The following VWF variants were observed in gnomAD, a reference collection of about 807,000 sequenced individuals.
The protein encoded by VWF is von Willebrand factor.
A neutral mutation model predicts 308.6 loss-of-function variants in VWF; 176 were observed. The observed-to-expected ratio is 0.57, with a 90% CI of 0.50 to 0.65. The LOEUF (loss-of-function observed/expected upper bound fraction) is 0.65. Ranked by LOEUF, VWF falls within the 30% of genes least tolerant of loss-of-function variation. The probability of loss-of-function intolerance (pLI) is 0.00; values close to 1 mark genes in which losing one functional copy is unlikely to be tolerated. For synonymous variants in VWF, 1,385 were observed against 1,443.4 expected (o/e 0.96, Z 0.92); for missense variants, 3,146 against 3,648.2 (o/e 0.86, Z 3.55).
At chr12:5,964,246 A>ATACATACATACATACATGCATG in intron 47 of VWF, among the ~76,000 whole-genome samples, 2 of 133,170 alleles carry the variant, frequency 1.5e-5, no homozygotes, top group Non-Finnish European at 3.1e-5. Context: ...ATACATACAT[A>ATACATACATACATACATGCATG]CATGCATACA....
intron 22 of VWF, among the ~76,000 whole-genome samples, chr12:6,028,264 T>C (rs1049610125): frequency 6.6e-6 from 1 of 152,194 alleles, no homozygotes; most frequent in African/African-American, 2.4e-5. Context: ...TCTCAAAACA[T>C]GCTGGCCCAT....
chr12:6,118,328 C>CCCCA (rs1254828080), intron 3 of VWF, among the ~76,000 whole-genome samples: 1 of 151,510 alleles, frequency 6.6e-6, no homozygotes, highest in Non-Finnish European at 1.5e-5. Flanking sequence ...ATCCACCCGC[C>CCCCA]CCCACCCCGG....
rs1943423194 is a variant in VWF at position 5,967,997 on chromosome 12, G to A, written c.7770+130C>T. 5 of 1,317,054 alleles carry A rather than the reference G, an allele frequency of 3.8e-6. No homozygotes were observed. In the East Asian group the frequency reaches 7.0e-5, roughly 18 times the overall value. The allele number at this position is 1,317,054 out of a possible 1,614,324, so 81.6% of individuals were successfully genotyped here. ...TGATGCCAGGCACGTCCCACAGGCA[G>A]TGGAAAGCTGGGGTTGGGTCTCTCT... On this transcript the variant is annotated intron_variant, in intron 46 of 51. Coordinates refer to ENST00000261405, the MANE Select transcript of VWF (RefSeq NM_000552.5).
chr12:6,050,401 T>C (rs1429390671), intron 16 of VWF, among the ~76,000 whole-genome samples: 4 of 152,200 alleles, frequency 2.6e-5, no homozygotes, highest in Admixed American at 6.5e-5. Flanking sequence ...CCTGCCATCA[T>C]ACCTCATGCA....
chr12:6,031,222 G>A (rs1222125075), intron 21 of VWF, among the ~76,000 whole-genome samples: 20 of 152,108 alleles, frequency 1.3e-4, no homozygotes, highest in Non-Finnish European at 4.4e-5. Flanking sequence ...CACACACTCT[G>A]CACTGTCGCT....
At position 6,024,909 on chromosome 12, in the gene VWF, G is replaced by C. The variant is rs1944172779; in HGVS notation, c.3222+671C>G. Among the ~76,000 whole-genome samples the C allele has an allele frequency of 6.6e-6, 1 of 152,012 alleles. No individual in the cohort carries two copies. Among genetic ancestry groups the C allele is most frequent in the African/African-American group, 2.4e-5 (1 of 41,392 alleles). The stretch of plus-strand genomic sequence containing the variant: ...GTGGTGGCAGGTGCCTGTAATCCCA[G>C]GTACTCGGGAGGTTGAGGCAGGAGA... On this transcript the variant is annotated intron_variant, in intron 24 of 51. Coordinates refer to ENST00000261405, the MANE Select transcript of VWF (RefSeq NM_000552.5). The surrounding 1 kb of genome is among the most constrained non-coding windows in gnomAD (Gnocchi z 4.0).
chr12:6,069,693 G>A (rs1052659270), intron 10 of VWF, among the ~76,000 whole-genome samples: 1 of 152,260 alleles, frequency 6.6e-6, no homozygotes, highest in African/African-American at 2.4e-5. Flanking sequence ...ATGCAGAGAA[G>A]AGCGTAGTGG....
intron 18 of VWF, among the ~76,000 whole-genome samples, chr12:6,041,256 C>A (rs928505857): frequency 6.6e-6 from 1 of 151,632 alleles, no homozygotes; most frequent in Non-Finnish European, 1.5e-5. Flanking sequence ...ACGGCAAAAC[C>A]CCATCTCTAC....
At chr12:6,067,747 G>A (rs1035080703) in intron 10 of VWF, among the ~76,000 whole-genome samples, 18 of 152,014 alleles carry the variant, frequency 1.2e-4, no homozygotes, top group Non-Finnish European at 2.4e-4. Context: ...AGCTCCTGAC[G>A]AACAGCGGGC....
chr12:6,100,674 T>C (rs1197947738), intron 5 of VWF, among the ~76,000 whole-genome samples: 3 of 152,066 alleles, frequency 2.0e-5, no homozygotes, highest in Non-Finnish European at 1.5e-5. Context: ...TTCTCACTCA[T>C]AGATGGGAAT....
intron 1 of VWF, among the ~76,000 whole-genome samples, chr12:6,123,423 G>A (rs1210461120): frequency 6.6e-6 from 1 of 152,152 alleles, no homozygotes; most frequent in Admixed American, 6.5e-5. Flanking sequence ...GGGACCTGTG[G>A]GCACCTTTCC....
intron 47 of VWF, among the ~76,000 whole-genome samples, chr12:5,958,797 A>G (rs1414649225): frequency 6.6e-6 from 1 of 152,196 alleles, no homozygotes; most frequent in Non-Finnish European, 1.5e-5. Flanking sequence ...TGGATAAATG[A>G]TAGTAGATAC....
chr12:5,974,259 A>C (rs964341036), intron 43 of VWF, among the ~76,000 whole-genome samples: 5 of 152,172 alleles, frequency 3.3e-5, no homozygotes, highest in Non-Finnish European at 5.9e-5. Flanking sequence ...ATCGAAGCCC[A>C]GCCTCCCACG....
chr12:6,034,254 C>G (rs1387583985), intron 20 of VWF, among the ~76,000 whole-genome samples: 1 of 152,252 alleles, frequency 6.6e-6, no homozygotes, highest in East Asian at 1.9e-4. Flanking sequence ...TGCACAACAC[C>G]TGCAGACTGT....
intron 47 of VWF, among the ~76,000 whole-genome samples, chr12:5,956,118 T>C (rs889590239): frequency 5.9e-5 from 9 of 152,184 alleles, no homozygotes; most frequent in Non-Finnish European, 8.8e-5. Flanking sequence ...GGTGACTTCA[T>C]AGCACAACAC....
At chr12:6,027,468 G>A (rs11611917) in intron 22 of VWF, among the ~76,000 whole-genome samples, 42,932 of 152,094 alleles carry the variant, frequency 0.28, 6,833 homozygotes, top group African/African-American at 0.42. Context: ...GGCTCCCATG[G>A]GATGAAGAGT....
Position 6,062,954 on chromosome 12 carries a change from C to T in VWF, c.1533G>A (p.Lys511=). The T allele has an allele frequency of 6.2e-7, 1 of 1,612,178 alleles. No homozygotes were observed. Among genetic ancestry groups the T allele is most frequent in the South Asian group, 1.1e-5 (1 of 90,988 alleles). ...DWDGRGRLLV[K]LSPVYAGKTC... is the part of the protein sequence containing the mutation. ...GCCAGTACCCCGTGAGGGCACCTACCTTCACCAGCAGCCTCCCGCGGCCAT... is the reference window on the plus strand; with the variant it reads ...GCCAGTACCCCGTGAGGGCACCTACTTTCACCAGCAGCCTCCCGCGGCCAT... Residue 511 remains lysine (K), a splice_region_variant and synonymous_variant, in exon 13 of 52, where the codon AAG becomes AAA. Coordinates refer to ENST00000261405, the MANE Select transcript of VWF (RefSeq NM_000552.5).
At chr12:6,034,190 T>A (rs216320) in intron 20 of VWF, among the ~76,000 whole-genome samples, 1 of 152,076 alleles carries the variant, frequency 6.6e-6, no homozygotes, top group African/African-American at 2.4e-5. Context: ...CAAAGCCATA[T>A]CGTGGGAAGC....
Position 6,018,570 on chromosome 12 carries a change from G to A in VWF, c.4848C>T (p.Ile1616=), listed in dbSNP as rs778176378. The A allele has an allele frequency of 6.2e-7, 1 of 1,613,996 alleles. No individual in the cohort carries two copies. Among genetic ancestry groups the A allele is most frequent in the African/African-American group, 1.3e-5 (1 of 74,906 alleles). ...MVTGNPASDE[I]KRLPGDIQVV... is the part of the protein sequence containing the mutation. ...CCTGGATGTCTCCAGGCAGCCTCTT[G>A]ATCTCATCAGAGGCAGGATTTCCGG... The change falls in exon 28 of 52, where the codon ATC becomes ATT. Residue 1616 remains isoleucine, a synonymous_variant. Transcript: ENST00000261405.
Sources: allele counts gnomAD v4.1 joint callset (sites outside exome capture counted in the v4.1 genomes callset), GRCh38; gene constraint gnomAD v4.1.1; non-coding constraint Gnocchi (gnomAD v3.1); transcripts MANE v1.5; gene names NCBI Gene and HGNC (gene_info 2026-07-23, HGNC 2026-07-21).